The following ZEB2 variants were observed in gnomAD, a reference collection of about 807,000 sequenced individuals.
ZEB2 encodes zinc finger E-box-binding homeobox 2.
In ZEB2, 6 loss-of-function variants were observed where a neutral mutation model predicts 99.9. The observed-to-expected ratio is 0.06, with a 90% CI of 0.03 to 0.12. The LOEUF is 0.12. Among genes scored for constraint, ZEB2 ranks in the 10% least tolerant of loss-of-function variants. The pLI is 1.00. For missense variants in ZEB2, 969 were observed against 1,502.8 expected (o/e 0.64, Z 5.87); for synonymous variants, 517 against 542.5 (o/e 0.95, Z 0.65).
chr2:144,458,424 G>T (rs1245384420), intron 2 of ZEB2, among the ~76,000 whole-genome samples: 3 of 152,020 alleles, frequency 2.0e-5, no homozygotes, highest in Non-Finnish European at 4.4e-5. Context: ...CATTGAGAGA[G>T]GGTTTGCAGT....
At position 144,468,674 on chromosome 2, in the gene ZEB2, AC is replaced by A. The variant is rs1483175973; in HGVS notation, c.74-38649del. On this transcript the variant is annotated intron_variant, in intron 2 of 9. Coordinates refer to ENST00000627532, the MANE Select transcript of ZEB2 (RefSeq NM_014795.4). ...ACATGTTTGCGTGTATTACAGTACA[AC>A]AGGGGGTGAGGACAGAAGGGCAAAG... Among the ~76,000 whole-genome samples, 4 of 57,434 alleles carry A rather than the reference AC, an allele frequency of 7.0e-5. No homozygotes were observed. In the East Asian group the frequency reaches 1.5e-3, roughly 22 times the overall value. The allele number at this position is 57,434 out of a possible 152,430, so 37.7% of individuals were successfully genotyped here. A position where few individuals can be genotyped will look rare whatever the true frequency, so the allele number is the denominator to read the frequency against.
chr2:144,495,452 C>T (rs909010925), intron 2 of ZEB2: 2 of 152,280 alleles, frequency 1.3e-5, no homozygotes, highest in Non-Finnish European at 1.5e-5. Flanking sequence ...AGGCCTTTCC[C>T]GTGTCTTAAA....
At chr2:144,512,319 A>G (rs748534535) in intron 2 of ZEB2, 1 of 1,287,120 alleles carries the variant, frequency 7.8e-7, no homozygotes, top group African/African-American at 1.5e-5. Flanking sequence ...CAGATGACAA[A>G]AACTGTTGCA....
At chr2:144,492,647 C>A (rs1704697327) in intron 2 of ZEB2, among the ~76,000 whole-genome samples, 1 of 152,100 alleles carries the variant, frequency 6.6e-6, no homozygotes, top group Non-Finnish European at 1.5e-5. Context: ...TCCCAAGTCT[C>A]AAAGGTGTCA....
intron 4 of ZEB2, among the ~76,000 whole-genome samples, chr2:144,409,913 G>GTTT (rs530632750): frequency 7.5e-6 from 1 of 133,410 alleles, no homozygotes; most frequent in Non-Finnish European, 1.6e-5. Flanking sequence ...AAAAGTTGTT[G>GTTT]TTTTTTTTTT....
chr2:144,480,863 AAG>A (rs1271451525), intron 2 of ZEB2, among the ~76,000 whole-genome samples: 1 of 152,192 alleles, frequency 6.6e-6, no homozygotes, highest in Non-Finnish European at 1.5e-5. Context: ...GATTGCATGT[AAG>A]CATCTGCTTT....
In ZEB2 at chr2:144,398,961, T is replaced by C; in HGVS notation, c.2226A>G (p.Pro742=). The C allele has an allele frequency of 6.2e-7, 1 of 1,614,130 alleles. No individual in the cohort carries two copies. Among genetic ancestry groups the C allele is most frequent in the Non-Finnish European group, 8.5e-7 (1 of 1,180,028 alleles). The change falls in exon 8 of 10, where the codon CCA becomes CCG. Residue 742 remains proline (P), a synonymous_variant. Coordinates refer to ENST00000627532, the MANE Select transcript of ZEB2 (RefSeq NM_014795.4). ...CACTGTTGTGGAGTTCTGCTATAGATGGTGATGTTATGGAGTCCATAGGTT... is the reference window on the plus strand; with the variant it reads ...CACTGTTGTGGAGTTCTGCTATAGACGGTGATGTTATGGAGTCCATAGGTT... ...PVKPMDSITS[P]SIAELHNSVT...
intron 2 of ZEB2, chr2:144,430,449 T>C: frequency 4.5e-6 from 1 of 224,192 alleles, no homozygotes; most frequent in South Asian, 7.0e-5. Context: ...ATGACTTCAC[T>C]ATATTAACTG....
intron 8 of ZEB2, chr2:144,398,062 C>T: frequency 2.3e-6 from 1 of 438,390 alleles, no homozygotes; most frequent in African/African-American, 2.0e-5. Context: ...CTAAATACAT[C>T]TCAAAATAAA....
intron 6 of ZEB2, among the ~76,000 whole-genome samples, chr2:144,402,917 G>A (rs1021470868): frequency 3.3e-5 from 5 of 152,292 alleles, no homozygotes; most frequent in Middle Eastern, 3.4e-3. Context: ...ATTATTGACT[G>A]TGTTTGCTTA....
intron 2 of ZEB2, among the ~76,000 whole-genome samples, chr2:144,446,732 T>C (rs965901275): frequency 6.6e-6 from 1 of 152,032 alleles, no homozygotes; most frequent in Non-Finnish European, 1.5e-5. Flanking sequence ...GACTAACAAT[T>C]GGCTGGACGC....
chr2:144,423,611 C>A (rs183036370), intron 4 of ZEB2, among the ~76,000 whole-genome samples: 2 of 152,100 alleles, frequency 1.3e-5, no homozygotes, highest in African/African-American at 4.8e-5. Context: ...AATTAGGATT[C>A]TTGGTGCTTG....
intron 2 of ZEB2, chr2:144,494,423 G>A (rs1024906745): frequency 2.0e-5 from 3 of 152,188 alleles, no homozygotes; most frequent in Non-Finnish European, 4.4e-5. Context: ...TGATAAGGCA[G>A]ACATTTCAAT....
chr2:144,405,285 C>G lies in ZEB2; in HGVS notation c.404-261G>C, dbSNP rs1703371649. On this transcript the variant is annotated intron_variant, in intron 4 of 9. Transcript: ENST00000627532. The stretch of plus-strand genomic sequence containing the variant: ...TTCCTGGAATATTAGTCTGTATATA[C>G]AAAGAATGAAAGAAATTTAAAATGT... 4.2e-5 allele frequency: 19 copies of G among 447,686 alleles called. 1 individual carries two copies. The South Asian group carries it at 5.9e-4, about 14-fold the overall frequency. The allele number at this position is 447,686 out of a possible 1,614,324, so 27.7% of individuals were successfully genotyped here.
chr2:144,512,947 T>A, intron 2 of ZEB2: 24 of 1,287,234 alleles, frequency 1.9e-5, no homozygotes, highest in Non-Finnish European at 2.4e-5. Flanking sequence ...TAGAAGCTCA[T>A]CAACTTTACG....
chr2:144,508,043 T>A (rs1704974463), intron 2 of ZEB2, among the ~76,000 whole-genome samples: 1 of 152,234 alleles, frequency 6.6e-6, no homozygotes, highest in Non-Finnish European at 1.5e-5. Context: ...AAAGTAATTT[T>A]AAGCCTCCCT....
chr2:144,513,624 G>A, intron 2 of ZEB2: 4 of 1,532,560 alleles, frequency 2.6e-6, no homozygotes, highest in Non-Finnish European at 2.6e-6. Context: ...GGATGGGGAG[G>A]CAGACCCTCT....
At chr2:144,404,412 T>A (rs1703355519) in intron 5 of ZEB2, among the ~76,000 whole-genome samples, 1 of 150,298 alleles carries the variant, frequency 6.7e-6, no homozygotes. Flanking sequence ...ATGAGGAAAT[T>A]CTCTTTAGGT....
chr2:144,458,288 A>C (rs894522933), intron 2 of ZEB2, among the ~76,000 whole-genome samples: 5 of 152,106 alleles, frequency 3.3e-5, no homozygotes, highest in African/African-American at 1.2e-4. Context: ...AAATTACCTA[A>C]CTTTCTACTT....
Sources: gnomAD v4.1 joint callset for allele counts (sites outside exome capture counted in the v4.1 genomes callset) on GRCh38, gnomAD v4.1.1 for gene constraint, MANE v1.5 for transcripts, NCBI Gene and HGNC (gene_info 2026-07-23, HGNC 2026-07-21) for gene names.